C7: variants seen among roughly 807,000 people sequenced by gnomAD.
C7 encodes the protein complement C7.
Under a neutral mutation model 104.8 loss-of-function variants are expected in C7, and 83 were observed. The ratio of observed to expected loss-of-function variants is 0.79; its 90% CI spans 0.66 to 0.95. The LOEUF (loss-of-function observed/expected upper bound fraction) is 0.95. Ranked by LOEUF, C7 falls within the 40% of genes least tolerant of loss-of-function variation. C7 has a pLI of 0.00. For synonymous variants in C7, 415 were observed against 360.6 expected (o/e 1.15, Z -1.71); for missense variants, 1,070 against 1,011.2 (o/e 1.06, Z -0.79).
At chr5:40,940,493 C>T (rs916147593) in intron 6 of C7, among the ~76,000 whole-genome samples, 3 of 152,078 alleles carry the variant, frequency 2.0e-5, no homozygotes, top group Non-Finnish European at 4.4e-5. Context: ...TGTGTTTGGT[C>T]TTGAATATAC....
intron 7 of C7, 53 bp downstream of exon 7, chr5:40,945,421 C>G: frequency 8.3e-7 from 1 of 1,202,026 alleles, no homozygotes; most frequent in Non-Finnish European, 1.2e-6. Flanking sequence ...TTAAGTATTG[C>G]TTACATTAAT....
intron 1 of C7, among the ~76,000 whole-genome samples, chr5:40,918,584 A>C (rs554747855): frequency 2.6e-5 from 4 of 152,240 alleles, no homozygotes; most frequent in African/African-American, 7.2e-5. Flanking sequence ...CACAGATTGA[A>C]AATTAGGCAA....
intron 6 of C7, among the ~76,000 whole-genome samples, chr5:40,939,479 C>T (rs1347865223): frequency 6.6e-6 from 1 of 152,208 alleles, no homozygotes; most frequent in Non-Finnish European, 1.5e-5. Flanking sequence ...TAGATCTGGT[C>T]TGTCAGATTT....
At chr5:40,964,682 C>G in intron 13 of C7, 59 bp from the exon 14 acceptor site, 1 of 1,459,620 alleles carries the variant, frequency 6.9e-7, no homozygotes, top group Non-Finnish European at 9.5e-7. Context: ...TGTAAAGAAA[C>G]GTTTTGTTAA....
At chr5:40,975,903 A>C (rs921010957) in intron 15 of C7, among the ~76,000 whole-genome samples, 1 of 152,216 alleles carries the variant, frequency 6.6e-6, no homozygotes, top group African/African-American at 2.4e-5. Flanking sequence ...TTATGATGCA[A>C]AAGTGTATGG....
In C7 at chr5:40,964,752, A is replaced by C. The variant is rs771022726; in HGVS notation, c.1761A>C (p.Thr587=). Residue 587 remains threonine, a synonymous_variant, in exon 14 of 18, where the codon ACA becomes ACC. Transcript: ENST00000313164. ...TTACTTTTGTTTAGGATGAAGGTAC[A>C]ATGTTTCCTGTGGGGAAAAATGTAG... The part of the protein sequence containing the change: ...LKDGFVQDEG[T]MFPVGKNVVY... 1 of 1,613,144 alleles carries C rather than the reference A, an allele frequency of 6.2e-7. No homozygotes were observed. The highest frequency in any genetic ancestry group is 8.5e-7 in the Non-Finnish European group (1 of 1,179,262).
At chr5:40,918,949 G>GACACACACACAC (rs138558983) in intron 1 of C7, among the ~76,000 whole-genome samples, 1,857 of 138,328 alleles carry the variant, frequency 0.013, 45 homozygotes, top group African/African-American at 0.038. Context: ...GAATCTAACA[G>GACACACACACAC]ACACACACAC....
intron 12 of C7, 56 bp downstream of exon 12, chr5:40,959,676 A>T: frequency 2.3e-6 from 3 of 1,298,878 alleles, no homozygotes; most frequent in Non-Finnish European, 3.1e-6. Context: ...CTCTGCAGTT[A>T]GCATGGAACA....
chr5:40,910,103 A>G (rs557478494), intron 1 of C7, among the ~76,000 whole-genome samples: 1 of 152,076 alleles, frequency 6.6e-6, no homozygotes, highest in East Asian at 1.9e-4. Flanking sequence ...TGGATGAAAG[A>G]GTCAGCATTG....
chr5:40,923,709 G>A (rs1179204358), intron 1 of C7, among the ~76,000 whole-genome samples: 1 of 151,370 alleles, frequency 6.6e-6, no homozygotes, highest in Non-Finnish European at 1.5e-5. Flanking sequence ...TTGTGCCATT[G>A]CACTCCAGCC....
Position 40,949,988 on chromosome 5 carries a change from T to C in C7, c.1067T>C (p.Leu356Pro). The C allele has an allele frequency of 1.3e-6, 2 of 1,595,544 alleles. No individual in the cohort carries two copies. The highest frequency in any genetic ancestry group is 1.7e-4 in the Middle Eastern group (1 of 6,024). Reference protein sequence around the residue: ...VKFSSHGCKELENALKAASGT... With the variant: ...VKFSSHGCKEPENALKAASGT... ...TTTTCAAGTCATGGATGCAAGGAAC[T>C]GGAAAACGCTTTAAAAGCTGCTTCA... Residue 356 changes from leucine to proline, a missense_variant, in exon 9 of 18, where the codon CTG becomes CCG. By Grantham distance (98) the Leu-to-Pro change is moderately conservative (BLOSUM62 -3). Coordinates refer to ENST00000313164, the MANE Select transcript of C7 (RefSeq NM_000587.4).
chr5:40,950,522 T>A (rs2111639484), intron 9 of C7, among the ~76,000 whole-genome samples: 1 of 152,296 alleles, frequency 6.6e-6, no homozygotes, highest in Admixed American at 6.5e-5. Context: ...TACTCCAGTC[T>A]TCTATTGTTA....
chr5:40,945,224 T>C lies in C7; in HGVS notation c.594T>C (p.Tyr198=). Residue 198 remains tyrosine, a synonymous_variant, in exon 7 of 18, where the codon TAT becomes TAC. Coordinates refer to ENST00000313164, the MANE Select transcript of C7 (RefSeq NM_000587.4). ...FQVKINNDFN[Y]EFYNSTWSYV... is the part of the protein sequence containing the mutation. ...TGAAAATAAATAATGATTTTAATTA[T>C]GAATTTTACAATAGTACTTGGTCTT... 2.0e-6 allele frequency: 3 copies of C among 1,518,436 alleles called. No individual in the cohort carries two copies. The highest frequency in any genetic ancestry group is 2.5e-5 in the South Asian group (2 of 78,512). 94.1% of individuals were successfully genotyped at this position (1,518,436 alleles called of 1,614,324 possible). A position where few individuals can be genotyped will look rare whatever the true frequency, so the allele number is the denominator to read the frequency against.
At chr5:40,950,678 A>G (rs1207300744) in intron 9 of C7, among the ~76,000 whole-genome samples, 1 of 152,154 alleles carries the variant, frequency 6.6e-6, no homozygotes, top group African/African-American at 2.4e-5. Context: ...TCACCAGGTT[A>G]TCTCCTCTGT....
chr5:40,976,825 T>C lies in C7; in HGVS notation c.2150T>C (p.Met717Thr). 1 of 1,604,828 alleles carries C rather than the reference T, an allele frequency of 6.2e-7. No homozygotes were observed. Among genetic ancestry groups the C allele is most frequent in the Non-Finnish European group, 8.5e-7 (1 of 1,175,178 alleles). The change falls in exon 16 of 18, where the codon ATG becomes ACG. Residue 717 changes from methionine to threonine, a missense_variant. By Grantham distance (81) the Met-to-Thr change is moderately conservative. Coordinates refer to ENST00000313164, the MANE Select transcript of C7 (RefSeq NM_000587.4). ...KLQNSRCVCK[M>T]PYECGPSLDV... The stretch of plus-strand genomic sequence containing the variant: ...CAGAATTCAAGATGTGTTTGTAAAA[T>C]GCCCTACGAATGTGGGTAAGTGCCG...
chr5:40,910,951 T>A (rs1253034999), intron 1 of C7: 1 of 152,154 alleles, frequency 6.6e-6, no homozygotes, highest in African/African-American at 2.4e-5. Context: ...TAAAAACATG[T>A]TTACAATCAT....
chr5:40,909,556 G>A lies in C7; in HGVS notation c.-55G>A, dbSNP rs1739164124. The A allele has an allele frequency of 1.0e-5, 15 of 1,492,150 alleles. No homozygotes were observed. The highest frequency in any genetic ancestry group is 1.8e-4 in the Middle Eastern group (1 of 5,666). 92.4% of individuals were successfully genotyped at this position (1,492,150 alleles called of 1,614,324 possible). On this transcript the variant is annotated 5_prime_UTR_variant, in exon 1 of 18. Coordinates refer to ENST00000313164, the MANE Select transcript of C7 (RefSeq NM_000587.4). ...TCTTCCTGCTGTTGAAAACTTACCC[G>A]GCCCTTACAGAGGAAATCTTCCTCC...
chr5:40,974,633 T>G (rs1740775698), intron 15 of C7, among the ~76,000 whole-genome samples: 1 of 152,138 alleles, frequency 6.6e-6, no homozygotes, highest in South Asian at 2.1e-4. Context: ...TTAGTCAGGA[T>G]GGTCCCGATC....
At chr5:40,961,004 A>T (rs1329851463) in intron 12 of C7, among the ~76,000 whole-genome samples, 1 of 152,146 alleles carries the variant, frequency 6.6e-6, no homozygotes, top group African/African-American at 2.4e-5. Flanking sequence ...TTTAGGCTTA[A>T]GATTCTTACT....
Sources: gnomAD v4.1 joint callset for allele counts (sites outside exome capture counted in the v4.1 genomes callset) on GRCh38, gnomAD v4.1.1 for gene constraint, MANE v1.5 for transcripts, NCBI Gene and HGNC (gene_info 2026-07-23, HGNC 2026-07-21) for gene names.